Variants in RHBDL3 observed in about 807,000 individuals in gnomAD.
The protein encoded by RHBDL3 is rhomboid like 3, also known as rhomboid-related protein 3.
In RHBDL3, 28 loss-of-function variants were observed where a neutral mutation model predicts 48.2. The ratio of observed to expected loss-of-function variants is 0.58; its 90% CI spans 0.43 to 0.80. The LOEUF (loss-of-function observed/expected upper bound fraction) is 0.80, where lower values mean the gene tolerates loss of function less well. RHBDL3 is among the 30% of genes least tolerant of loss of function. The probability of loss-of-function intolerance (pLI) is 0.00; values close to 1 mark genes in which losing one functional copy is unlikely to be tolerated. For missense variants in RHBDL3, 464 were observed against 542.7 expected, an observed-to-expected ratio of 0.85 and a Z score of 1.44; for synonymous variants, 208 against 232.3, an observed-to-expected ratio of 0.90 and a Z score of 0.95.
chr17:32,275,145 G>T (rs2039866373), intron 2 of RHBDL3, among the ~76,000 whole-genome samples: 1 of 152,172 alleles, frequency 6.6e-6, no homozygotes, highest in African/African-American at 2.4e-5. Flanking sequence ...GAGAGATGGG[G>T]CGATGTCAGA....
chr17:32,271,257 G>A (rs1341158636), intron 2 of RHBDL3, among the ~76,000 whole-genome samples: 2 of 152,122 alleles, frequency 1.3e-5, no homozygotes, highest in Non-Finnish European at 2.9e-5. Context: ...ATCCAGCTAT[G>A]CTAGCATCAC....
chr17:32,267,013 C>A (rs369219619), intron 1 of RHBDL3, among the ~76,000 whole-genome samples: 1 of 152,052 alleles, frequency 6.6e-6, no homozygotes. Flanking sequence ...GCCGGCCCTG[C>A]GAAGCCCTGG....
chr17:32,305,618 C>T (rs1355525564), intron 7 of RHBDL3, among the ~76,000 whole-genome samples, 177 bp downstream of exon 7: 1 of 152,202 alleles, frequency 6.6e-6, no homozygotes. Context: ...CTTCCAGATG[C>T]GATTCCTATT....
rs2040149138 is a variant in RHBDL3, at chr17:32,284,559, G to GGA, written c.136-100_136-99insGA. 3.4e-6 allele frequency: 4 copies of GGA among 1,175,556 alleles called. No individual in the cohort carries two copies. In the South Asian group the frequency reaches 4.2e-5, roughly 12 times the overall value. The allele number at this position is 1,175,556 out of a possible 1,614,324, so 72.8% of individuals were successfully genotyped here. A position where few individuals can be genotyped will look rare whatever the true frequency, so the allele number is the denominator to read the frequency against. Reference sequence around the variant, plus strand: ...CACTGAGCCTCTGCCAGGGGCTGGGGACTAAAGCCAGTGAATAGTGGTGGA... The same window carrying GGA: ...CACTGAGCCTCTGCCAGGGGCTGGGGGAACTAAAGCCAGTGAATAGTGGTGGA... On this transcript the variant is annotated intron_variant, in intron 2 of 8. Coordinates refer to ENST00000269051, the MANE Select transcript of RHBDL3 (RefSeq NM_138328.3).
At chr17:32,314,788 C>T (rs780095197) in intron 7 of RHBDL3, among the ~76,000 whole-genome samples, 10 of 152,142 alleles carry the variant, frequency 6.6e-5, no homozygotes, top group Non-Finnish European at 1.0e-4. Context: ...CAGATTGGGT[C>T]GCTAGATTCA....
chr17:32,323,527 G>A lies in RHBDL3; in HGVS notation c.*2298G>A, dbSNP rs2041191215. The A allele has an allele frequency of 6.6e-6, 1 of 152,406 alleles. No homozygotes were observed. The allele number at this position is 152,406 out of a possible 1,614,324, so 9.4% of individuals were successfully genotyped here. On this transcript the variant is annotated 3_prime_UTR_variant, in exon 9 of 9. Coordinates refer to ENST00000269051, the MANE Select transcript of RHBDL3 (RefSeq NM_138328.3). ...GGGGATTCTGTGGTGTGGGTGGAAT[G>A]AGCAGAGTGCCACCTCTGTCTGGTA...
Position 32,321,529 on chromosome 17 carries a change from T to G in RHBDL3, c.*300T>G. On this transcript the variant is annotated 3_prime_UTR_variant, in exon 9 of 9. Transcript: ENST00000269051. The stretch of plus-strand genomic sequence containing the variant: ...CCCTCCCTCACCTGGGCTGGGCTTC[T>G]TCCATGGGGCCAGGGGGTGCCCCCT... 1.7e-6 allele frequency: 1 copy of G among 575,274 alleles called. No individual in the cohort carries two copies. The highest frequency in any genetic ancestry group is 3.0e-6 in the Non-Finnish European group (1 of 337,526). 35.6% of individuals were successfully genotyped at this position (575,274 alleles called of 1,614,324 possible).
intron 2 of RHBDL3, chr17:32,284,401 G>A (rs1271943885): frequency 4.8e-6 from 2 of 418,990 alleles, no homozygotes; most frequent in East Asian, 8.0e-5. Context: ...GAGAGGAGGC[G>A]GTTTAACCTC....
At position 32,313,751 on chromosome 17, in the gene RHBDL3, CTTTTTT is replaced by C. The variant is rs559422433; in HGVS notation, c.883-2462_883-2457del. Among the ~76,000 whole-genome samples the C allele has an allele frequency of 4.2e-3, 412 of 98,624 alleles. 2 individuals are homozygous for C. The highest frequency in any genetic ancestry group is 8.1e-3 in the Middle Eastern group (1 of 124). 64.7% of individuals were successfully genotyped at this position (98,624 alleles called of 152,430 possible). A position where few individuals can be genotyped will look rare whatever the true frequency, so the allele number is the denominator to read the frequency against. On this transcript the variant is annotated intron_variant, in intron 7 of 8. Coordinates refer to ENST00000269051, the MANE Select transcript of RHBDL3 (RefSeq NM_138328.3). ...TGTAACATGGGTCAGAATTCCCTCCCTTTTTTTTTTTTTTTTTTTTTTTTGAGACGA... is the reference window on the plus strand; with the variant it reads ...TGTAACATGGGTCAGAATTCCCTCCCTTTTTTTTTTTTTTTTTTGAGACGA...
intron 7 of RHBDL3, 30 bp downstream of exon 7, chr17:32,305,471 T>G: frequency 6.9e-7 from 1 of 1,458,230 alleles, no homozygotes; most frequent in Non-Finnish European, 9.6e-7. Flanking sequence ...AATGTGTCTT[T>G]CTGGCCCTGT....
intron 2 of RHBDL3, among the ~76,000 whole-genome samples, chr17:32,273,297 C>T (rs1194197386): frequency 6.6e-6 from 1 of 152,190 alleles, no homozygotes; most frequent in Non-Finnish European, 1.5e-5. Flanking sequence ...CCACCGCGCC[C>T]AGCCCAGTCC....
chr17:32,319,935 C>G (rs1342768486), intron 8 of RHBDL3, among the ~76,000 whole-genome samples: 3 of 152,004 alleles, frequency 2.0e-5, no homozygotes, highest in Non-Finnish European at 4.4e-5. Context: ...CCAAGAAGTT[C>G]ACACAAGAAG....
At chr17:32,312,778 A>G (rs143871312) in intron 7 of RHBDL3, among the ~76,000 whole-genome samples, 3,256 of 152,028 alleles carry the variant, frequency 0.021, 111 homozygotes, top group African/African-American at 0.075. Context: ...TCAGCCTCCC[A>G]AAGTGCTGGG....
chr17:32,267,660 C>G, intron 1 of RHBDL3: 1 of 313,160 alleles, frequency 3.2e-6, no homozygotes, highest in Non-Finnish European at 5.4e-6. Context: ...ACCTTGCCGC[C>G]CCCGCCCCCA....
At chr17:32,307,422 C>T (rs907844937) in intron 7 of RHBDL3, among the ~76,000 whole-genome samples, 1 of 152,236 alleles carries the variant, frequency 6.6e-6, no homozygotes, top group African/African-American at 2.4e-5. Flanking sequence ...CCATGTTTTT[C>T]TTCCTTATCA....
At chr17:32,315,465 G>A (rs1207737492) in intron 7 of RHBDL3, among the ~76,000 whole-genome samples, 2 of 152,156 alleles carry the variant, frequency 1.3e-5, no homozygotes, top group Non-Finnish European at 2.9e-5. Flanking sequence ...TGGAGGTTCC[G>A]AGTTTTCCAA....
intron 4 of RHBDL3, among the ~76,000 whole-genome samples, chr17:32,291,003 G>GA (rs35673676): frequency 0.59 from 60,875 of 102,822 alleles, 16,426 homozygotes; most frequent in African/African-American, 0.74. Flanking sequence ...CCTGTCTCAA[G>GA]AAAAAAAAAA....
rs757351658 is a variant in RHBDL3 at position 32,320,949 on chromosome 17, C to A, written c.944-9C>A. ...TCCTGTGACATCTCTCTGCTTCCTC[C>A]CCTTGCAGTGAGCATGGAGTTTGGG... On this transcript the variant is annotated splice_polypyrimidine_tract_variant and intron_variant, in intron 8 of 8. Transcript: ENST00000269051. 1 of 1,604,558 alleles carries A rather than the reference C, an allele frequency of 6.2e-7. No individual in the cohort carries two copies.
At chr17:32,270,598 A>T (rs1484697769) in intron 2 of RHBDL3, among the ~76,000 whole-genome samples, 1 of 152,036 alleles carries the variant, frequency 6.6e-6, no homozygotes, top group Non-Finnish European at 1.5e-5. Flanking sequence ...AAGCTTCTGC[A>T]TCCCCCTCCC....
Sources: allele counts gnomAD v4.1 joint callset (sites outside exome capture counted in the v4.1 genomes callset), GRCh38; gene constraint gnomAD v4.1.1; transcripts MANE v1.5; gene names NCBI Gene and HGNC (gene_info 2026-07-23, HGNC 2026-07-21).